The following ZFHX3 variants were observed in gnomAD, a reference collection of about 807,000 sequenced individuals.
ZFHX3 encodes zinc finger homeobox protein 3.
Under a neutral mutation model 279.1 loss-of-function variants are expected in ZFHX3, and 42 were observed. The ratio of observed to expected loss-of-function variants is 0.15; its 90% CI spans 0.12 to 0.19. The LOEUF (loss-of-function observed/expected upper bound fraction) is 0.19. Ranked by LOEUF, ZFHX3 falls within the 10% of genes least tolerant of loss-of-function variation. The pLI is 1.00. For synonymous variants in ZFHX3, 2,293 were observed against 1,957.8 expected, an observed-to-expected ratio of 1.17 and a Z score of -4.52; for missense variants, 4,981 against 4,754.0, an observed-to-expected ratio of 1.05 and a Z score of -1.40.
chr16:73,511,709 C>G (rs2019431570), intron 2 of ZFHX3, among the ~76,000 whole-genome samples: 3 of 152,026 alleles, frequency 2.0e-5, no homozygotes, highest in Admixed American at 2.0e-4. Flanking sequence ...AAAACCAGGC[C>G]AAGGATTTCA....
intron 3 of ZFHX3, among the ~76,000 whole-genome samples, chr16:73,419,360 CAT>C (rs1416537513): frequency 6.6e-6 from 1 of 152,184 alleles, no homozygotes; most frequent in African/African-American, 2.4e-5. Flanking sequence ...GTATTTGACT[CAT>C]GTGAGTGTGA....
intron 2 of ZFHX3, among the ~76,000 whole-genome samples, chr16:73,614,526 G>C (rs548621905): frequency 1.5e-3 from 235 of 152,208 alleles, no homozygotes; most frequent in Non-Finnish European, 2.9e-3. Context: ...ATATATCTAA[G>C]AGAAGAGCTA....
At chr16:73,119,407 C>A (rs992491096) in intron 7 of ZFHX3, among the ~76,000 whole-genome samples, 3 of 152,274 alleles carry the variant, frequency 2.0e-5, no homozygotes, top group East Asian at 3.9e-4. Context: ...ACACTCAGCC[C>A]GGAAGCACTT....
chr16:73,506,162 T>A (rs2019322950), intron 2 of ZFHX3, among the ~76,000 whole-genome samples: 1 of 152,200 alleles, frequency 6.6e-6, no homozygotes, highest in African/African-American at 2.4e-5. Context: ...GCAGACTAGA[T>A]CTTGCAGTCT....
In ZFHX3 at chr16:72,787,724, C is replaced by G; in HGVS notation, c.10552G>C (p.Gly3518Arg). 1 of 1,394,242 alleles carries G rather than the reference C, an allele frequency of 7.2e-7. No individual in the cohort carries two copies. The highest frequency in any genetic ancestry group is 9.3e-7 in the Non-Finnish European group (1 of 1,069,652). 86.4% of individuals were successfully genotyped at this position (1,394,242 alleles called of 1,614,324 possible). A position where few individuals can be genotyped will look rare whatever the true frequency, so the allele number is the denominator to read the frequency against. The change falls in exon 10 of 10, where the codon GGC becomes CGC. Residue 3518 changes from glycine to arginine, a missense_variant. Gly to Arg is a moderately radical substitution (Grantham distance 125). This residue lies in a region of ZFHX3 where 1,034 missense variants were observed against 786.0 expected (regional missense o/e 1.32). Transcript: ENST00000268489. ...CCGCCGCCGCCGCCGCCGCCACCGC[C>G]GCCGCCGCCGCCACTGCCACCGCCG... ...GGGGGSGGGGGGGGGGGGGGS... is the reference protein window; with the variant it reads ...GGGGGSGGGGRGGGGGGGGGS...
At chr16:73,305,998 G>T (rs930005368) in intron 4 of ZFHX3, among the ~76,000 whole-genome samples, 3 of 152,156 alleles carry the variant, frequency 2.0e-5, no homozygotes, top group Non-Finnish European at 4.4e-5. Flanking sequence ...ATCTTCAAAT[G>T]CGGATTCTGG....
At chr16:73,757,296 C>T (rs1267251834) in intron 1 of ZFHX3, among the ~76,000 whole-genome samples, 1 of 152,190 alleles carries the variant, frequency 6.6e-6, no homozygotes, top group Non-Finnish European at 1.5e-5. Context: ...TGTGCTTCCA[C>T]TGCAGACTGG....
intron 1 of ZFHX3, among the ~76,000 whole-genome samples, chr16:73,058,335 G>A (rs1236310641): frequency 6.7e-6 from 1 of 148,524 alleles, no homozygotes; most frequent in Non-Finnish European, 1.5e-5. Flanking sequence ...CGCAGCGAGC[G>A]AGCAGGGCGC....
At chr16:73,262,474 T>C (rs1227687441) in intron 4 of ZFHX3, among the ~76,000 whole-genome samples, 2 of 152,190 alleles carry the variant, frequency 1.3e-5, no homozygotes, top group Non-Finnish European at 2.9e-5. Flanking sequence ...TTACAAGTTA[T>C]TCAACCTCTA....
intron 1 of ZFHX3, among the ~76,000 whole-genome samples, chr16:73,879,601 G>T (rs1355101866): frequency 6.6e-6 from 1 of 152,090 alleles, no homozygotes; most frequent in Admixed American, 6.6e-5. Flanking sequence ...AGCAAGAAGG[G>T]ACTATCACTG....
intron 1 of ZFHX3, among the ~76,000 whole-genome samples, chr16:73,697,284 T>C (rs1410154905): frequency 1.3e-5 from 2 of 151,720 alleles, no homozygotes; most frequent in African/African-American, 4.8e-5. Context: ...TCACGACACA[T>C]ATAAGGTGTT....
intron 5 of ZFHX3, among the ~76,000 whole-genome samples, chr16:72,827,191 A>C (rs1356855394): frequency 6.6e-6 from 1 of 152,192 alleles, no homozygotes; most frequent in Non-Finnish European, 1.5e-5. Context: ...CCCTCAGCTC[A>C]AAATTCCCAG....
At chr16:73,333,919 A>T (rs929486923) in intron 3 of ZFHX3, among the ~76,000 whole-genome samples, 1 of 151,894 alleles carries the variant, frequency 6.6e-6, no homozygotes, top group East Asian at 1.9e-4. Context: ...CACGCTGAAC[A>T]TCCTGCTGCC....
At chr16:73,564,723 A>G (rs1465870607) in intron 2 of ZFHX3, among the ~76,000 whole-genome samples, 3 of 152,016 alleles carry the variant, frequency 2.0e-5, no homozygotes, top group Non-Finnish European at 2.9e-5. Flanking sequence ...CCTACTCCCT[A>G]TACTTCAAAA....
chr16:73,153,335 T>C (rs1213395648), intron 5 of ZFHX3, among the ~76,000 whole-genome samples: 1 of 152,184 alleles, frequency 6.6e-6, no homozygotes, highest in Non-Finnish European at 1.5e-5. Flanking sequence ...CCTAGGCTGA[T>C]CTCAAACTCC....
At chr16:73,070,730 C>T (rs1012739236) in intron 8 of ZFHX3, among the ~76,000 whole-genome samples, 4 of 151,820 alleles carry the variant, frequency 2.6e-5, no homozygotes, top group African/African-American at 9.7e-5. Context: ...CTCTCTCTCT[C>T]GCACATGTGA....
At chr16:73,290,015 C>CCACACACACA (rs10564390) in intron 4 of ZFHX3, among the ~76,000 whole-genome samples, 55 of 144,420 alleles carry the variant, frequency 3.8e-4, no homozygotes, top group African/African-American at 1.3e-3. Flanking sequence ...AGAGAAATAA[C>CCACACACACA]CACACACACA....
At chr16:72,864,694 G>C (rs557914246) in intron 4 of ZFHX3, among the ~76,000 whole-genome samples, 53 of 152,254 alleles carry the variant, frequency 3.5e-4, no homozygotes, top group African/African-American at 1.1e-3. Flanking sequence ...CCATGTTATC[G>C]ATCAGTTGAT....
At chr16:73,251,898 T>G (rs1318161787) in intron 5 of ZFHX3, among the ~76,000 whole-genome samples, 2 of 57,734 alleles carry the variant, frequency 3.5e-5, no homozygotes, top group African/African-American at 2.1e-4. Flanking sequence ...ACACACACCA[T>G]GCACACACAC....
Sources: allele counts gnomAD v4.1 joint callset (sites outside exome capture counted in the v4.1 genomes callset), GRCh38; gene constraint gnomAD v4.1.1; regional missense constraint gnomAD v4.1.1; transcripts MANE v1.5; gene names NCBI Gene and HGNC (gene_info 2026-07-23, HGNC 2026-07-21).